HEXB: variants seen among roughly 807,000 people sequenced by gnomAD.
HEXB encodes the protein beta-hexosaminidase subunit beta.
Under a neutral mutation model 71.2 loss-of-function variants are expected in HEXB, and 51 were observed. The ratio of observed to expected loss-of-function variants is 0.72; its 90% CI spans 0.57 to 0.90. HEXB has a LOEUF of 0.90. Ranked by LOEUF, HEXB falls within the 40% of genes least tolerant of loss-of-function variation. The probability of loss-of-function intolerance (pLI) is 0.00; values close to 1 mark genes in which losing one functional copy is unlikely to be tolerated. For synonymous variants in HEXB, 266 were observed against 249.3 expected (o/e 1.07, Z -0.63); for missense variants, 617 against 677.0 (o/e 0.91, Z 0.98).
At chr5:74,644,764 CTTTTTTTTTTTTTTTT>C (rs3058406) in intron 1 of HEXB, among the ~76,000 whole-genome samples, 1 of 72,936 alleles carries the variant, frequency 1.4e-5, no homozygotes, top group Non-Finnish European at 2.3e-5. Context: ...CTTTTTTTTC[CTTTTTTTTTTTTTTTT>C]TTTTTTTTTG....
intron 6 of HEXB, among the ~76,000 whole-genome samples, chr5:74,711,717 A>G (rs1749547113): frequency 6.6e-6 from 1 of 152,106 alleles, no homozygotes; most frequent in African/African-American, 2.4e-5. Flanking sequence ...AGAAATGCAA[A>G]TCAAAACCAC....
chr5:74,689,688 ATCAC>A (rs1748952946), intron 2 of HEXB: 1 of 580,266 alleles, frequency 1.7e-6, no homozygotes, highest in Non-Finnish European at 3.1e-6. Context: ...GAAGAAATAA[ATCAC>A]TCATAATCCC....
upstream of HEXB, among the ~76,000 whole-genome samples, chr5:74,683,813 TTTTC>T (rs4063871): frequency 6.6e-4 from 86 of 130,568 alleles, no homozygotes; most frequent in African/African-American, 2.2e-3. Flanking sequence ...ATTACATTTC[TTTTC>T]TTTCTTTTTT....
chr5:74,708,102 C>T (rs1749448738), intron 6 of HEXB, among the ~76,000 whole-genome samples: 1 of 152,076 alleles, frequency 6.6e-6, no homozygotes, highest in Non-Finnish European at 1.5e-5. Context: ...TCGGCAGAAA[C>T]TCTACAAGCC....
At chr5:74,643,130 C>T (rs1460257946) in intron 1 of HEXB, among the ~76,000 whole-genome samples, 3 of 152,206 alleles carry the variant, frequency 2.0e-5, no homozygotes, top group African/African-American at 7.2e-5. Context: ...CTGATGACCT[C>T]CTACAAACTG....
intron 1 of HEXB, among the ~76,000 whole-genome samples, chr5:74,675,652 T>C (rs1748617041): frequency 6.6e-6 from 1 of 152,180 alleles, no homozygotes; most frequent in Non-Finnish European, 1.5e-5. Flanking sequence ...TCTGCCACAC[T>C]GTGCAGGCCA....
chr5:74,711,375 G>A (rs1388031150), intron 6 of HEXB, among the ~76,000 whole-genome samples: 2 of 149,846 alleles, frequency 1.3e-5, no homozygotes, highest in Non-Finnish European at 3.0e-5. Context: ...ATAGGCATGG[G>A]CAAGGACTTC....
At chr5:74,687,213 T>G (rs1561214696) in intron 1 of HEXB, among the ~76,000 whole-genome samples, 1 of 152,186 alleles carries the variant, frequency 6.6e-6, no homozygotes, top group East Asian at 1.9e-4. Flanking sequence ...GTGAGCATTC[T>G]AGGAACTCAG....
At chr5:74,677,618 C>T (rs1184854313) in intron 1 of HEXB, among the ~76,000 whole-genome samples, 1 of 151,352 alleles carries the variant, frequency 6.6e-6, no homozygotes, top group East Asian at 1.9e-4. Context: ...TCTTCCTTTC[C>T]TGTCTCGCTC....
chr5:74,658,681 A>G lies in HEXB; in HGVS notation c.-377+18123A>G, dbSNP rs1490008523. On this transcript the variant is annotated intron_variant, in intron 1 of 13. Coordinates refer to the HEXB transcript ENST00000511181. ...ATCACTCTTGGGTACCAGGGAAATA[A>G]TGTGTCCTAGGAATGACAGAAGATT... is the stretch of plus-strand genomic sequence containing the variant. Among the ~76,000 whole-genome samples, 4 of 152,158 alleles carry G rather than the reference A, an allele frequency of 2.6e-5. No individual in the cohort carries two copies. The East Asian group carries it at 7.7e-4, about 29-fold the overall frequency.
At chr5:74,655,062 C>T (rs2112080622) in intron 1 of HEXB, among the ~76,000 whole-genome samples, 1 of 152,104 alleles carries the variant, frequency 6.6e-6, no homozygotes, top group Admixed American at 6.5e-5. Context: ...GCAGGTGAGC[C>T]CCCCAAGAGA....
At chr5:74,677,161 A>G (rs1055581110) in intron 1 of HEXB, among the ~76,000 whole-genome samples, 7 of 152,186 alleles carry the variant, frequency 4.6e-5, no homozygotes, top group African/African-American at 1.4e-4. Context: ...CTGGGATTAC[A>G]TGAGTCACCG....
chr5:74,709,097 A>G lies in HEXB; in HGVS notation c.771+3777A>G, dbSNP rs926020705. 1.0e-3 allele frequency among the ~76,000 whole-genome samples: 152 copies of G among 152,352 alleles called. 1 individual carries two copies. The highest frequency in any genetic ancestry group is 3.4e-3 in the Middle Eastern group (1 of 294). ...CAGAAATTATAACAAACTATCTCTC[A>G]GACCACAGTGCAATCAAGCTAGAAC... On this transcript the variant is annotated intron_variant, in intron 6 of 13. Coordinates refer to ENST00000261416, the MANE Select transcript of HEXB (RefSeq NM_000521.4).
In HEXB at chr5:74,718,805, G is replaced by A. The variant is rs144264311; in HGVS notation, c.1251G>A (p.Pro417=). The change falls in exon 11 of 14, where the codon CCG becomes CCA. Residue 417 remains proline (P), a synonymous_variant. Coordinates refer to ENST00000261416, the MANE Select transcript of HEXB (RefSeq NM_000521.4). ...EVFDDKAKLA[P]GTIVEVWKDS... ...ATTTGTAACGTTAATAGCTTGCGCC[G>A]GGCACAATAGTTGAAGTATGGAAAG... 8.2e-5 allele frequency: 132 copies of A among 1,613,946 alleles called. No individual in the cohort carries two copies. Among genetic ancestry groups the A allele is most frequent in the South Asian group, 9.9e-5 (9 of 91,074 alleles).
intron 1 of HEXB, among the ~76,000 whole-genome samples, chr5:74,686,442 C>T (rs1748876403): frequency 6.6e-6 from 1 of 152,204 alleles, no homozygotes; most frequent in South Asian, 2.1e-4. Context: ...TCCTGGCATT[C>T]CCCAAGCCTG....
chr5:74,667,344 G>A (rs576824005), intron 1 of HEXB, among the ~76,000 whole-genome samples: 44 of 151,978 alleles, frequency 2.9e-4, no homozygotes, highest in Admixed American at 5.9e-4. Flanking sequence ...ACTTGAACCC[G>A]GGAGGCAGAG....
intron 1 of HEXB, among the ~76,000 whole-genome samples, chr5:74,647,369 C>A (rs773461917): frequency 3.3e-5 from 5 of 152,190 alleles, no homozygotes; most frequent in Non-Finnish European, 5.9e-5. Context: ...GGGCTTGCAC[C>A]TTTGAATGAA....
intron 1 of HEXB, among the ~76,000 whole-genome samples, chr5:74,671,913 A>T (rs1381158053): frequency 6.6e-6 from 1 of 152,130 alleles, no homozygotes; most frequent in Non-Finnish European, 1.5e-5. Flanking sequence ...GGTGAATGCT[A>T]GGAAAGTATT....
intron 1 of HEXB, among the ~76,000 whole-genome samples, chr5:74,647,355 C>T (rs1290402912): frequency 2.0e-5 from 3 of 152,196 alleles, no homozygotes; most frequent in African/African-American, 7.2e-5. Flanking sequence ...CCTTTGTGGT[C>T]CAAGGGCTTG....
Sources: allele counts gnomAD v4.1 joint callset (sites outside exome capture counted in the v4.1 genomes callset), GRCh38; gene constraint gnomAD v4.1.1; transcripts MANE v1.5; gene names NCBI Gene and HGNC (gene_info 2026-07-23, HGNC 2026-07-21).